The following CLASP1 variants were observed in gnomAD, a reference collection of about 807,000 sequenced individuals.
The protein encoded by CLASP1 is CLIP-associating protein 1.
Under a neutral mutation model 192.3 loss-of-function variants are expected in CLASP1, and 38 were observed. The ratio of observed to expected loss-of-function variants is 0.20; its 90% CI spans 0.15 to 0.26. The LOEUF (loss-of-function observed/expected upper bound fraction) is 0.26. CLASP1 is among the 10% of genes least tolerant of loss of function. The pLI, the probability that CLASP1 is intolerant of heterozygous loss-of-function variation, is 1.00. For synonymous variants in CLASP1, 691 were observed against 712.8 expected (o/e 0.97, Z 0.49); for missense variants, 1,433 against 1,932.5 (o/e 0.74, Z 4.85).
chr2:121,421,605 C>T (rs2079515793), intron 22 of CLASP1, among the ~76,000 whole-genome samples: 1 of 150,616 alleles, frequency 6.6e-6, no homozygotes, highest in Admixed American at 6.6e-5. Flanking sequence ...ATGTGTGGCG[C>T]AATCTCGGCT....
chr2:121,455,013 C>G (rs533129810), intron 14 of CLASP1, among the ~76,000 whole-genome samples: 1 of 152,168 alleles, frequency 6.6e-6, no homozygotes, highest in African/African-American at 2.4e-5. Flanking sequence ...TGATGCTGGT[C>G]AGGTTCTGAA....
rs1249501922 is a variant in CLASP1 at position 121,486,982 on chromosome 2, T to C, written c.712+16185A>G. On this transcript the variant is annotated intron_variant, in intron 8 of 39. Transcript: ENST00000263710. Reference sequence around the variant, plus strand: ...GAATCAAACTCACGTACAAACAAAATTCTATGTCCAAGTGTCCAAAACTAT... The same window carrying C: ...GAATCAAACTCACGTACAAACAAAACTCTATGTCCAAGTGTCCAAAACTAT... Among the ~76,000 whole-genome samples the C allele has an allele frequency of 2.6e-5, 4 of 152,146 alleles. No homozygotes were observed. In the East Asian group the frequency reaches 7.7e-4, roughly 29 times the overall value.
intron 5 of CLASP1, among the ~76,000 whole-genome samples, chr2:121,526,620 C>A (rs900917410): frequency 2.0e-5 from 3 of 151,838 alleles, no homozygotes; most frequent in Admixed American, 1.3e-4. Context: ...ACTGAAAAGG[C>A]TAACATATTA....
At chr2:121,551,724 C>T (rs541847376) in intron 2 of CLASP1, among the ~76,000 whole-genome samples, 1 of 152,206 alleles carries the variant, frequency 6.6e-6, no homozygotes, top group Admixed American at 6.5e-5. Context: ...GGAAAAATAT[C>T]CCATGCCCAT....
intron 30 of CLASP1, among the ~76,000 whole-genome samples, chr2:121,392,016 T>C (rs891932401): frequency 5.9e-5 from 9 of 152,220 alleles, no homozygotes; most frequent in African/African-American, 2.2e-4. Flanking sequence ...TTTATAATCA[T>C]ATTTTTTTAA....
chr2:121,414,848 A>C (rs551474438), intron 23 of CLASP1, among the ~76,000 whole-genome samples: 3 of 152,172 alleles, frequency 2.0e-5, no homozygotes, highest in Non-Finnish European at 4.4e-5. Flanking sequence ...CAATGGCACA[A>C]TAATGGCTCT....
chr2:121,550,507 A>G (rs777914641), intron 2 of CLASP1, among the ~76,000 whole-genome samples: 10 of 152,152 alleles, frequency 6.6e-5, no homozygotes, highest in Admixed American at 6.6e-4. Context: ...CTAGACTAAC[A>G]AAGAAGAAAA....
intron 2 of CLASP1, among the ~76,000 whole-genome samples, chr2:121,543,010 A>G (rs942538307): frequency 6.6e-6 from 1 of 152,254 alleles, no homozygotes; most frequent in Non-Finnish European, 1.5e-5. Context: ...TGCAGTAGCC[A>G]CTAGCCGCAT....
Position 121,403,879 on chromosome 2 carries a change from A to G in CLASP1, c.2733+492T>C, listed in dbSNP as rs1471285251. ...CCCCGTTCAGCAAATTCTTGGTAACAGCAAAATCCTATTTTATGAAATAAC... is the reference window on the plus strand; with the variant it reads ...CCCCGTTCAGCAAATTCTTGGTAACGGCAAAATCCTATTTTATGAAATAAC... On this transcript the variant is annotated intron_variant, in intron 26 of 39. Coordinates refer to ENST00000263710, the Ensembl canonical transcript of CLASP1. The G allele has an allele frequency of 6.7e-6, 3 of 449,452 alleles. No homozygotes were observed. In the East Asian group the frequency reaches 2.1e-4, roughly 31 times the overall value. 27.8% of individuals were successfully genotyped at this position (449,452 alleles called of 1,614,324 possible).
chr2:121,510,170 A>G (rs2094081263), intron 7 of CLASP1, among the ~76,000 whole-genome samples: 2 of 152,226 alleles, frequency 1.3e-5, no homozygotes. Flanking sequence ...CTGGAAAAAG[A>G]CAAGTACATC....
chr2:121,598,573 C>T (rs2105839349), intron 2 of CLASP1, among the ~76,000 whole-genome samples: 1 of 152,302 alleles, frequency 6.6e-6, no homozygotes, highest in Admixed American at 6.5e-5. Flanking sequence ...CAGCACTATC[C>T]AGAAAATCAG....
At chr2:121,425,444 T>C (rs943064099) in intron 21 of CLASP1, 138 bp from the exon 22 acceptor site, 1 of 690,970 alleles carries the variant, frequency 1.4e-6, no homozygotes, top group African/African-American at 1.9e-5. Context: ...TATTTGGTGG[T>C]AGTAATTTTT....
At chr2:121,573,473 T>C (rs1165520657) in intron 2 of CLASP1, among the ~76,000 whole-genome samples, 1 of 152,260 alleles carries the variant, frequency 6.6e-6, no homozygotes, top group Non-Finnish European at 1.5e-5. Context: ...AGTATCATGG[T>C]CTGGATTACC....
chr2:121,377,738 A>G (rs2070593787), intron 33 of CLASP1, 89 bp from the exon 35 acceptor site: 1 of 907,128 alleles, frequency 1.1e-6, no homozygotes, highest in Non-Finnish European at 1.6e-6. Context: ...AATTTAAAGA[A>G]TAAGACATAT....
chr2:121,645,591 T>C (rs2073037878), intron 1 of CLASP1, among the ~76,000 whole-genome samples: 1 of 152,260 alleles, frequency 6.6e-6, no homozygotes, highest in Non-Finnish European at 1.5e-5. Flanking sequence ...ACACACAATG[T>C]GTTCTACAAA....
intron 1 of CLASP1, among the ~76,000 whole-genome samples, chr2:121,607,527 A>C (rs1297367798): frequency 2.0e-5 from 3 of 152,192 alleles, no homozygotes; most frequent in African/African-American, 7.2e-5. Context: ...CAAATTGCAT[A>C]AGCTCTCTCG....
intron 2 of CLASP1, among the ~76,000 whole-genome samples, chr2:121,558,787 T>C (rs1250169527): frequency 6.6e-6 from 1 of 152,178 alleles, no homozygotes; most frequent in African/African-American, 2.4e-5. Context: ...TGCTGCCAAT[T>C]GGGGGAAAGT....
chr2:121,353,911 C>T (rs2064952052), intron 37 of CLASP1, among the ~76,000 whole-genome samples: 1 of 152,186 alleles, frequency 6.6e-6, no homozygotes, highest in South Asian at 2.1e-4. Context: ...CTACCTTAGC[C>T]TCCCAAGTAG....
At chr2:121,565,798 G>A (rs1382659436) in intron 2 of CLASP1, among the ~76,000 whole-genome samples, 2 of 152,252 alleles carry the variant, frequency 1.3e-5, no homozygotes, top group Admixed American at 1.3e-4. Flanking sequence ...CAGCAATACT[G>A]ACAGTCAGAA....
Sources: gnomAD v4.1 joint callset for allele counts (sites outside exome capture counted in the v4.1 genomes callset) on GRCh38, gnomAD v4.1.1 for gene constraint, MANE v1.5 for transcripts, NCBI Gene and HGNC (gene_info 2026-07-23, HGNC 2026-07-21) for gene names.